TXK: variants seen among roughly 807,000 people sequenced by gnomAD.
The protein encoded by TXK is TXK tyrosine kinase, also known as tyrosine-protein kinase TXK.
Under a neutral mutation model 81.0 loss-of-function variants are expected in TXK, and 60 were observed. The ratio of observed to expected loss-of-function variants is 0.74; its 90% CI spans 0.60 to 0.92. The LOEUF is 0.92. Ranked by LOEUF, TXK falls within the 40% of genes least tolerant of loss-of-function variation. The pLI is 0.00. For synonymous variants in TXK, 203 were observed against 210.7 expected, an observed-to-expected ratio of 0.96 and a Z score of 0.32; for missense variants, 581 against 638.3, an observed-to-expected ratio of 0.91 and a Z score of 0.97.
intron 1 of TXK, among the ~76,000 whole-genome samples, chr4:48,123,936 G>A (rs191194863): frequency 5.9e-5 from 9 of 152,100 alleles, no homozygotes; most frequent in Admixed American, 3.3e-4. Context: ...CAGACACGTC[G>A]TGCATTTCTG....
chr4:48,092,781 T>C (rs1487012359), intron 8 of TXK, among the ~76,000 whole-genome samples: 1 of 152,154 alleles, frequency 6.6e-6, no homozygotes, highest in Non-Finnish European at 1.5e-5. Flanking sequence ...TCACTACTAC[T>C]GGAGGGAATG....
intron 9 of TXK, 47 bp downstream of exon 9, chr4:48,089,703 T>C: frequency 6.7e-7 from 1 of 1,503,172 alleles, no homozygotes; most frequent in South Asian, 1.1e-5. Flanking sequence ...GGTAGATTCT[T>C]TACTACTGGA....
intron 5 of TXK, among the ~76,000 whole-genome samples, chr4:48,107,800 C>T (rs554183819): frequency 4.0e-5 from 6 of 151,600 alleles, no homozygotes; most frequent in South Asian, 4.2e-4. Context: ...CGGTGGCTCA[C>T]GCCTGTAATC....
chr4:48,122,469 C>T (rs1270661110), intron 1 of TXK, among the ~76,000 whole-genome samples: 1 of 152,216 alleles, frequency 6.6e-6, no homozygotes, highest in African/African-American at 2.4e-5. Flanking sequence ...ACATTACGGC[C>T]ATCTGCACTC....
At chr4:48,069,328 T>TTTC (rs200450623) in intron 14 of TXK, among the ~76,000 whole-genome samples, 1 of 73,878 alleles carries the variant, frequency 1.4e-5, no homozygotes, top group African/African-American at 1.0e-4. Context: ...TTTCTTTTCT[T>TTTC]TTTTTTTTTT....
In TXK at chr4:48,112,417, A is replaced by T. The variant is rs1436356693; in HGVS notation, c.270T>A (p.Leu90=). The change falls in exon 4 of 15, where the codon CTT becomes CTA. Residue 90 remains leucine, a synonymous_variant. Coordinates refer to ENST00000264316, the MANE Select transcript of TXK (RefSeq NM_003328.3). ...AGGGTTCTCTGGGCAGAAAATCATAAAGTGCCTTGACTTGGATCTTCTCTT... is the reference window on the plus strand; with the variant it reads ...AGGGTTCTCTGGGCAGAAAATCATATAGTGCCTTGACTTGGATCTTCTCTT... ...VAEEKIQVKA[L]YDFLPREPCN... 6.2e-7 allele frequency: 1 copy of T among 1,614,178 alleles called. No homozygotes were observed. The highest frequency in any genetic ancestry group is 1.1e-5 in the South Asian group (1 of 91,084).
intron 14 of TXK, among the ~76,000 whole-genome samples, chr4:48,070,603 G>C (rs540028497): frequency 6.6e-6 from 1 of 152,100 alleles, no homozygotes; most frequent in South Asian, 2.1e-4. Context: ...TTTTGAGACA[G>C]AGTCTTGTTC....
intron 1 of TXK, among the ~76,000 whole-genome samples, chr4:48,132,966 T>C (rs924644310): frequency 2.0e-5 from 3 of 151,538 alleles, no homozygotes; most frequent in African/African-American, 7.3e-5. Flanking sequence ...AAAAGTCTCA[T>C]ACTTAAATCC....
In TXK at chr4:48,083,142, G is replaced by A. The variant is rs369826962; in HGVS notation, c.957-3014C>T. Among the ~76,000 whole-genome samples the A allele has an allele frequency of 1.7e-3, 266 of 152,284 alleles. 5 individuals are homozygous for A. The South Asian group carries it at 0.019, about 11-fold the overall frequency. ...CAAGGCTAAAAGAGCACACTACAAC[G>A]CAGACCCACTTGGGCTTTGGGAGTT... On this transcript the variant is annotated intron_variant, in intron 10 of 14. Coordinates refer to ENST00000264316, the MANE Select transcript of TXK (RefSeq NM_003328.3).
intron 5 of TXK, among the ~76,000 whole-genome samples, chr4:48,109,097 G>T (rs950662594): frequency 3.9e-5 from 6 of 151,944 alleles, no homozygotes; most frequent in Admixed American, 2.6e-4. Context: ...TTTGCAAGAG[G>T]CCTGTTTTTG....
At chr4:48,084,268 T>C (rs1717421983) in intron 10 of TXK, among the ~76,000 whole-genome samples, 1 of 151,936 alleles carries the variant, frequency 6.6e-6, no homozygotes. Context: ...TTTTTTGTTT[T>C]TTTTTTGTAG....
intron 5 of TXK, among the ~76,000 whole-genome samples, chr4:48,107,968 G>A (rs1718513895): frequency 6.6e-6 from 1 of 151,550 alleles, no homozygotes; most frequent in Admixed American, 6.6e-5. Flanking sequence ...CTACTCAGGA[G>A]GCTGAGGCAG....
chr4:48,071,924 A>G (rs1352661407), intron 13 of TXK, among the ~76,000 whole-genome samples: 1 of 150,942 alleles, frequency 6.6e-6, no homozygotes, highest in Non-Finnish European at 1.5e-5. Context: ...TGCCTCTCCT[A>G]TCAGGAGAAA....
chr4:48,089,419 C>A, intron 9 of TXK: 1 of 159,682 alleles, frequency 6.3e-6, no homozygotes, highest in Admixed American at 6.5e-5. Context: ...GAGACAGAGT[C>A]TCACTCTGCT....
chr4:48,104,205 AAT>A (rs145416420), intron 6 of TXK, among the ~76,000 whole-genome samples: 6,595 of 15,122 alleles, frequency 0.44, 1,779 homozygotes, highest in African/African-American at 0.63. Flanking sequence ...CATGTCTCAA[AAT>A]ATATATATAT....
intron 9 of TXK, among the ~76,000 whole-genome samples, chr4:48,088,340 G>A (rs988597831): frequency 2.6e-5 from 4 of 152,158 alleles, no homozygotes; most frequent in Non-Finnish European, 5.9e-5. Context: ...GAATGTAAAT[G>A]TGCACTTAAC....
chr4:48,078,581 G>A (rs1172271401), intron 11 of TXK, among the ~76,000 whole-genome samples: 1 of 152,220 alleles, frequency 6.6e-6, no homozygotes, highest in East Asian at 1.9e-4. Context: ...TGAACAGAAA[G>A]TGTTACTCAA....
At chr4:48,114,231 G>T in intron 2 of TXK, 117 bp downstream of exon 2, 2 of 1,003,394 alleles carry the variant, frequency 2.0e-6, no homozygotes, top group South Asian at 1.5e-5. Context: ...GGGAGAAAAT[G>T]GGAGAAGGTT....
At position 48,114,375 on chromosome 4, in the gene TXK, C is replaced by A; in HGVS notation, c.44G>T (p.Cys15Phe). The A allele has an allele frequency of 6.2e-7, 1 of 1,614,062 alleles. No individual in the cohort carries two copies. Among genetic ancestry groups the A allele is most frequent in the Non-Finnish European group, 8.5e-7 (1 of 1,179,992 alleles). Residue 15 changes from cysteine (C) to phenylalanine (F), a missense_variant, in exon 2 of 15, where the codon TGC becomes TTC. Cys to Phe is a radical substitution (Grantham distance 205). Transcript: ENST00000264316. ...SYNTIQSVFC[C>F]CCCCSVQKRQ... ...CTTCTGCACTGAACAGCAACAGCAG[C>A]AACAGAAAACCGACTGGATGGTGTT... is the stretch of plus-strand genomic sequence containing the variant.
Sources: gnomAD v4.1 joint callset for allele counts (sites outside exome capture counted in the v4.1 genomes callset) on GRCh38, gnomAD v4.1.1 for gene constraint, MANE v1.5 for transcripts, NCBI Gene and HGNC (gene_info 2026-07-23, HGNC 2026-07-21) for gene names.